PTPRG: variants seen among roughly 807,000 people sequenced by gnomAD.
The protein encoded by PTPRG is protein tyrosine phosphatase receptor type G.
Under a neutral mutation model 165.3 loss-of-function variants are expected in PTPRG, and 102 were observed. The observed-to-expected ratio is 0.62, with a 90% CI of 0.53 to 0.73. The LOEUF is 0.73. PTPRG is among the 30% of genes least tolerant of loss of function. The probability of loss-of-function intolerance (pLI) is 0.00; values close to 1 mark genes in which losing one functional copy is unlikely to be tolerated. For missense variants in PTPRG, 1,866 were observed against 1,861.4 expected, an observed-to-expected ratio of 1.00 and a Z score of -0.05; for synonymous variants, 675 against 669.5, an observed-to-expected ratio of 1.01 and a Z score of -0.13.
intron 1 of PTPRG, among the ~76,000 whole-genome samples, chr3:61,606,592 G>A (rs1010311369): frequency 6.6e-6 from 1 of 152,160 alleles, no homozygotes; most frequent in African/African-American, 2.4e-5. Flanking sequence ...CTGCAACCAG[G>A]TAACTTATAA....
intron 2 of PTPRG, among the ~76,000 whole-genome samples, chr3:61,891,695 G>T (rs752475272): frequency 7.9e-5 from 12 of 152,164 alleles, no homozygotes; most frequent in Admixed American, 6.5e-4. Flanking sequence ...ACTAGAAAAC[G>T]CATTTTAATC....
intron 4 of PTPRG, among the ~76,000 whole-genome samples, chr3:62,045,570 GGAAGTA>G (rs1320623150): frequency 6.6e-6 from 1 of 152,162 alleles, no homozygotes; most frequent in Non-Finnish European, 1.5e-5. Context: ...AATGGCACAG[GGAAGTA>G]GATCTTATTG....
Position 62,282,761 on chromosome 3 carries a change from G to A in PTPRG, c.3947G>A (p.Cys1316Tyr), listed in dbSNP as rs1393389267. 1 of 1,612,328 alleles carries A rather than the reference G, an allele frequency of 6.2e-7. No individual in the cohort carries two copies. Among genetic ancestry groups the A allele is most frequent in the Non-Finnish European group, 8.5e-7 (1 of 1,179,218 alleles). ...GTCTTAGAAGTTCGGCACTTTCAGT[G>A]TCCCAAATGGCCTAACCCAGATGCC... ...DYVLEVRHFQCPKWPNPDAPI... is the reference protein window; with the variant it reads ...DYVLEVRHFQYPKWPNPDAPI... The change falls in exon 28 of 30, where the codon TGT becomes TAT. Residue 1316 changes from cysteine (C) to tyrosine (Y), a missense_variant. Physicochemically the swap from Cys to Tyr is radical, Grantham distance 194 (BLOSUM62 -2). Coordinates refer to ENST00000474889, the MANE Select transcript of PTPRG (RefSeq NM_002841.4).
At chr3:61,870,393 G>A (rs976703431) in intron 2 of PTPRG, among the ~76,000 whole-genome samples, 1 of 144,802 alleles carries the variant, frequency 6.9e-6, no homozygotes, top group African/African-American at 2.6e-5. Flanking sequence ...CTCCAGTGCA[G>A]CCTCCACCTC....
intron 1 of PTPRG, among the ~76,000 whole-genome samples, chr3:61,701,767 C>A (rs1036328850): frequency 6.6e-6 from 1 of 152,000 alleles, no homozygotes; most frequent in Non-Finnish European, 1.5e-5. Flanking sequence ...TGTCGTGTCA[C>A]GTGACTGTCA....
At chr3:61,996,358 C>T (rs2041040014) in intron 3 of PTPRG, among the ~76,000 whole-genome samples, 1 of 152,066 alleles carries the variant, frequency 6.6e-6, no homozygotes, top group Non-Finnish European at 1.5e-5. Context: ...ATGTAATGAT[C>T]CTTAATAGGT....
intron 2 of PTPRG, among the ~76,000 whole-genome samples, chr3:61,791,758 G>A (rs1170551240): frequency 6.6e-6 from 1 of 152,216 alleles, no homozygotes; most frequent in Non-Finnish European, 1.5e-5. Flanking sequence ...AGAGTGCTGG[G>A]ATTACAGGCA....
At chr3:61,606,847 A>G (rs1428039504) in intron 1 of PTPRG, among the ~76,000 whole-genome samples, 14 of 152,182 alleles carry the variant, frequency 9.2e-5, no homozygotes, top group African/African-American at 4.8e-5. Context: ...CCTAACTATT[A>G]TTACTATCAC....
intron 4 of PTPRG, among the ~76,000 whole-genome samples, chr3:62,036,290 A>G (rs1699933350): frequency 6.6e-6 from 1 of 152,172 alleles, no homozygotes; most frequent in Non-Finnish European, 1.5e-5. Flanking sequence ...CTGCATAAGG[A>G]ATTCCAGATG....
chr3:61,824,007 C>A (rs1032663974), intron 2 of PTPRG, among the ~76,000 whole-genome samples: 1 of 152,052 alleles, frequency 6.6e-6, no homozygotes, highest in Non-Finnish European at 1.5e-5. Flanking sequence ...GCCTGTAGTC[C>A]CAGCTACTCA....
rs1699934068 is a variant in PTPRG at position 62,195,346 on chromosome 3, G to A, written c.1327+176G>A. Among the ~76,000 whole-genome samples the A allele has an allele frequency of 1.3e-5, 2 of 152,162 alleles. No individual in the cohort carries two copies. The highest frequency in any genetic ancestry group is 4.1e-4 in the South Asian group (2 of 4,822). ...AGTAATTTAGGTCTTTTAGGTTGGAGGTTTTATCGGCAGAAGAGGGGAGAA... is the reference window on the plus strand; with the variant it reads ...AGTAATTTAGGTCTTTTAGGTTGGAAGTTTTATCGGCAGAAGAGGGGAGAA... On this transcript the variant is annotated intron_variant, in intron 10 of 29. Coordinates refer to ENST00000474889, the MANE Select transcript of PTPRG (RefSeq NM_002841.4). The surrounding 1 kb of genome is among the most constrained non-coding windows in gnomAD (Gnocchi z 4.4).
At chr3:61,916,686 A>G (rs1300454843) in intron 2 of PTPRG, among the ~76,000 whole-genome samples, 1 of 152,138 alleles carries the variant, frequency 6.6e-6, no homozygotes, top group African/African-American at 2.4e-5. Flanking sequence ...GTTAGGTTTC[A>G]TACATGTTCA....
At chr3:62,132,787 T>C (rs761579975) in intron 6 of PTPRG, 119 bp downstream of exon 6, 397 of 908,872 alleles carry the variant, frequency 4.4e-4, no homozygotes, top group Non-Finnish European at 6.4e-4. Context: ...TCCCCTGATG[T>C]TGAAGGGCAT....
intron 2 of PTPRG, among the ~76,000 whole-genome samples, chr3:61,876,666 T>G (rs1233115838): frequency 6.6e-6 from 1 of 152,190 alleles, no homozygotes; most frequent in East Asian, 1.9e-4. Flanking sequence ...CCCAGCACTT[T>G]GGGAGGCCGA....
intron 2 of PTPRG, among the ~76,000 whole-genome samples, chr3:61,811,553 T>G (rs993858868): frequency 2.6e-5 from 4 of 152,190 alleles, no homozygotes; most frequent in African/African-American, 9.6e-5. Context: ...TCTAGGGCCA[T>G]GTAACTTGCC....
intron 4 of PTPRG, among the ~76,000 whole-genome samples, chr3:62,055,798 G>C (rs1700613735): frequency 6.6e-6 from 1 of 152,116 alleles, no homozygotes; most frequent in African/African-American, 2.4e-5. Flanking sequence ...GTCTTTCTCT[G>C]TGTCCACATT....
intron 1 of PTPRG, among the ~76,000 whole-genome samples, chr3:61,612,708 C>G (rs1701205293): frequency 6.6e-6 from 1 of 152,064 alleles, no homozygotes; most frequent in African/African-American, 2.4e-5. Flanking sequence ...TTGGAATGGG[C>G]AGAGAGCAGT....
At chr3:61,850,063 A>G (rs1246659479) in intron 2 of PTPRG, among the ~76,000 whole-genome samples, 2 of 152,164 alleles carry the variant, frequency 1.3e-5, no homozygotes, top group Non-Finnish European at 2.9e-5. Flanking sequence ...AATAAAAGCT[A>G]GCACTAGTTT....
intron 3 of PTPRG, among the ~76,000 whole-genome samples, chr3:62,002,275 GCT>G (rs960653745): frequency 6.6e-6 from 1 of 152,156 alleles, no homozygotes; most frequent in Non-Finnish European, 1.5e-5. Flanking sequence ...TCTCGCTAAA[GCT>G]CTAACTAGGA....
Sources: gnomAD v4.1 joint callset for allele counts (sites outside exome capture counted in the v4.1 genomes callset) on GRCh38, gnomAD v4.1.1 for gene constraint, Gnocchi (gnomAD v3.1) non-coding constraint, MANE v1.5 for transcripts, NCBI Gene and HGNC (gene_info 2026-07-23, HGNC 2026-07-21) for gene names.